SLC35F2: variants seen among roughly 807,000 people sequenced by gnomAD.
The protein encoded by SLC35F2 is queuine/queuosine transporter SLC35F2.
SLC35F2 carries 25 observed loss-of-function variants against 38.1 expected under a neutral mutation model. The ratio of observed to expected loss-of-function variants is 0.66; its 90% CI spans 0.48 to 0.92. The LOEUF (loss-of-function observed/expected upper bound fraction) is 0.92. Ranked by LOEUF, SLC35F2 falls within the 40% of genes least tolerant of loss-of-function variation. SLC35F2 has a pLI of 0.00. For missense variants in SLC35F2, 409 were observed against 452.9 expected (o/e 0.90, Z 0.88); for synonymous variants, 173 against 181.7 (o/e 0.95, Z 0.38).
Position 107,805,386 on chromosome 11 carries a change from A to C in SLC35F2, c.704T>G (p.Phe235Cys). The change falls in exon 5 of 8, where the codon TTT becomes TGT. Residue 235 changes from phenylalanine (F) to cysteine (C), a missense_variant. Phe to Cys is a radical substitution (Grantham distance 205, BLOSUM62 -2). Transcript: ENST00000525815. ...RQEFLGMVGL[F>C]GTIISGIQLL... ...CTGTATACCACTGATAATTGTTCCAAACAGGCCCACCATTCCTAAAAACTC... is the reference window on the plus strand; with the variant it reads ...CTGTATACCACTGATAATTGTTCCACACAGGCCCACCATTCCTAAAAACTC... 1 of 1,614,018 alleles carries C rather than the reference A, an allele frequency of 6.2e-7. No individual in the cohort carries two copies. Among genetic ancestry groups the C allele is most frequent in the Non-Finnish European group, 8.5e-7 (1 of 1,179,988 alleles).
intron 1 of SLC35F2, among the ~76,000 whole-genome samples, chr11:107,817,534 A>C (rs1267840968): frequency 2.6e-5 from 4 of 152,146 alleles, no homozygotes; most frequent in Middle Eastern, 3.4e-3. Flanking sequence ...TAATATGATG[A>C]GATCATTTCT....
intron 7 of SLC35F2, 135 bp from the exon 8 acceptor site, chr11:107,792,935 A>G: frequency 7.5e-7 from 1 of 1,335,940 alleles, no homozygotes; most frequent in African/African-American, 1.5e-5. Flanking sequence ...CTTTCTTTTT[A>G]AGACAGGGTC....
chr11:107,856,909 G>GGAAGGAAGGA (rs1860296300), intron 1 of SLC35F2, among the ~76,000 whole-genome samples: 1 of 39,852 alleles, frequency 2.5e-5, no homozygotes, highest in African/African-American at 1.0e-4. Flanking sequence ...GGAAGGAAGG[G>GGAAGGAAGGA]AGGGAGGGAG....
intron 5 of SLC35F2, chr11:107,804,988 A>G (rs1178676403): frequency 2.1e-6 from 2 of 951,682 alleles, no homozygotes; most frequent in Non-Finnish European, 2.5e-6. Context: ...GCTCTGAAAT[A>G]ATAGTCAAGT....
rs566804 is a variant in SLC35F2, at chr11:107,794,270, G to T, written c.940-1470C>A. ...TAATTTTTGTATATTTGGTAGAGAC[G>T]GGGTTTCACCATGTTGGCCAGGCTG... On this transcript the variant is annotated intron_variant, in intron 7 of 7. Coordinates refer to ENST00000525815, the MANE Select transcript of SLC35F2 (RefSeq NM_017515.5). Among the ~76,000 whole-genome samples, 197 of 151,726 alleles carry T rather than the reference G, an allele frequency of 1.3e-3. 3 individuals are homozygous for T. The East Asian group carries it at 0.036, about 28-fold the overall frequency.
At chr11:107,843,047 G>T (rs1454988652) in intron 1 of SLC35F2, among the ~76,000 whole-genome samples, 1 of 152,020 alleles carries the variant, frequency 6.6e-6, no homozygotes, top group African/African-American at 2.4e-5. Context: ...TGATATAAGG[G>T]GATATAAGTC....
rs1010871159 is a variant in SLC35F2, at chr11:107,797,837, C to T, written c.940-5037G>A. On this transcript the variant is annotated intron_variant, in intron 7 of 7. Transcript: ENST00000525815. ...AGCAGACAACTATAATTTCCTACCA[C>T]TGATTTTCATTCTTGGATCTAATAC... is the stretch of plus-strand genomic sequence containing the variant. Among the ~76,000 whole-genome samples, 13 of 152,258 alleles carry T rather than the reference C, an allele frequency of 8.5e-5. No individual in the cohort carries two copies. The South Asian group carries it at 2.1e-3, about 24-fold the overall frequency.
At chr11:107,823,209 G>A in intron 1 of SLC35F2, 1 of 985,302 alleles carries the variant, frequency 1.0e-6, no homozygotes, top group Non-Finnish European at 1.2e-6. Flanking sequence ...TCTCCCAGAT[G>A]AGTCTAAGAC....
chr11:107,792,795 T>C lies in SLC35F2; in HGVS notation c.945A>G (p.Ser315=), dbSNP rs1053818643. 2.6e-6 allele frequency: 4 copies of C among 1,564,236 alleles called. No individual in the cohort carries two copies. Among genetic ancestry groups the C allele is most frequent in the East Asian group, 2.4e-5 (1 of 42,158 alleles). ...CAGTGAAGGACAGGATGTAGAGTCC[T>C]GAAAACTAGAAGGGAAGAACAGGCA... is the stretch of plus-strand genomic sequence containing the variant. ...VGLFLFGYKF[S]GLYILSFTVI... The change falls in exon 8 of 8, where the codon TCA becomes TCG. Residue 315 remains serine (S), a synonymous_variant. Transcript: ENST00000525815.
At chr11:107,806,466 A>C (rs1859391603) in intron 4 of SLC35F2, 1 of 431,784 alleles carries the variant, frequency 2.3e-6, no homozygotes, top group African/African-American at 2.0e-5. Flanking sequence ...ATTAGATTTT[A>C]TAGTATCAAC....
intron 7 of SLC35F2, among the ~76,000 whole-genome samples, chr11:107,801,682 C>A (rs1320480787): frequency 6.7e-6 from 1 of 149,970 alleles, no homozygotes; most frequent in Non-Finnish European, 1.5e-5. Context: ...TAGGAATTTT[C>A]AAATTAGCTG....
chr11:107,809,078 T>C (rs1859441301), intron 3 of SLC35F2, among the ~76,000 whole-genome samples: 1 of 152,058 alleles, frequency 6.6e-6, no homozygotes, highest in South Asian at 2.1e-4. Context: ...AGTCAAAATA[T>C]AAAATAAAAA....
intron 7 of SLC35F2, among the ~76,000 whole-genome samples, chr11:107,794,958 C>T (rs539295788): frequency 5.3e-5 from 8 of 152,170 alleles, no homozygotes; most frequent in African/African-American, 1.9e-4. Context: ...TTTACAACAG[C>T]TACACAAAAT....
chr11:107,793,678 A>C (rs1036820458), intron 7 of SLC35F2, among the ~76,000 whole-genome samples: 6 of 152,222 alleles, frequency 3.9e-5, no homozygotes, highest in African/African-American at 1.4e-4. Context: ...AGAATTGTAG[A>C]GCTAGAAAGA....
At chr11:107,810,269 C>A (rs1384752267) in intron 3 of SLC35F2, 3 of 985,318 alleles carry the variant, frequency 3.0e-6, no homozygotes, top group Non-Finnish European at 3.6e-6. Context: ...AAGAGGCTAG[C>A]GTGAAAGAAA....
intron 1 of SLC35F2, among the ~76,000 whole-genome samples, chr11:107,843,810 A>G (rs1030636209): frequency 7.1e-6 from 1 of 141,784 alleles, no homozygotes; most frequent in African/African-American, 2.6e-5. Flanking sequence ...ACACCATGGC[A>G]CTCTAGCCTG....
chr11:107,840,966 C>T (rs565636), intron 1 of SLC35F2, among the ~76,000 whole-genome samples: 137,568 of 152,076 alleles, frequency 0.9, 62,415 homozygotes, highest in African/African-American at 0.98. Flanking sequence ...CATGTCATCC[C>T]TTCTAGTCTT....
At chr11:107,814,812 A>G (rs902123500) in intron 2 of SLC35F2, among the ~76,000 whole-genome samples, 4 of 152,104 alleles carry the variant, frequency 2.6e-5, no homozygotes, top group African/African-American at 4.8e-5. Context: ...AAAATACAAA[A>G]ATTATCTGGG....
chr11:107,806,957 G>T, intron 3 of SLC35F2, 81 bp from the exon 4 acceptor site: 1 of 1,290,114 alleles, frequency 7.8e-7, no homozygotes, highest in African/African-American at 1.5e-5. Flanking sequence ...ATAGGAGTCA[G>T]TATTTATAAT....
Sources: gnomAD v4.1 joint callset for allele counts (sites outside exome capture counted in the v4.1 genomes callset) on GRCh38, gnomAD v4.1.1 for gene constraint, MANE v1.5 for transcripts, NCBI Gene and HGNC (gene_info 2026-07-23, HGNC 2026-07-21) for gene names.